FN1: variants seen among roughly 807,000 people sequenced by gnomAD.
FN1 encodes fibronectin 1.
Under a neutral mutation model 297.3 loss-of-function variants are expected in FN1, and 106 were observed. That is an observed-to-expected ratio of 0.36 (90% CI 0.30 to 0.42). The LOEUF is 0.42. FN1 is among the 10% of genes least tolerant of loss of function. The probability of loss-of-function intolerance (pLI) is 1.00; values close to 1 mark genes in which losing one functional copy is unlikely to be tolerated. For missense variants in FN1, 2,690 were observed against 3,124.9 expected (o/e 0.86, Z 3.32); for synonymous variants, 1,149 against 1,152.6 (o/e 1.00, Z 0.06).
rs748987775 is a variant in FN1 at position 215,433,406 on chromosome 2, A to T, written c.333T>A (p.Thr111=). The change falls in exon 3 of 46, where the codon ACT becomes ACA. Residue 111 remains threonine, a synonymous_variant. Coordinates refer to ENST00000354785, the MANE Select transcript of FN1 (RefSeq NM_212482.4). ...YTGNTYRVGD[T]YERPKDSMIW... ...TCATGGAGTCTTTAGGACGCTCATA[A>T]GTGTCACCCACTCGGTAAGTGTTCC... 11 of 1,614,082 alleles carry T rather than the reference A, an allele frequency of 6.8e-6. No homozygotes were observed. The African/African-American group carries it at 1.5e-4, about 22-fold the overall frequency.
intron 12 of FN1, among the ~76,000 whole-genome samples, chr2:215,416,217 A>T (rs1432387229): frequency 1.3e-5 from 2 of 152,168 alleles, no homozygotes; most frequent in Non-Finnish European, 2.9e-5. Flanking sequence ...TAACAATTCA[A>T]AGTTGGTTGA....
intron 25 of FN1, 54 bp downstream of exon 25, chr2:215,392,877 G>A: frequency 6.3e-7 from 1 of 1,598,896 alleles, no homozygotes; most frequent in Non-Finnish European, 8.6e-7. Flanking sequence ...GGAGTAACTG[G>A]TGGCAGCATG....
At chr2:215,435,377 T>C (rs2067282209) in intron 1 of FN1, among the ~76,000 whole-genome samples, 1 of 152,134 alleles carries the variant, frequency 6.6e-6, no homozygotes, top group Non-Finnish European at 1.5e-5. Flanking sequence ...AAAGGCAAGT[T>C]TTGGTTAATT....
At chr2:215,406,103 G>A (rs2061739662) in intron 19 of FN1, 135 bp downstream of exon 19, 4 of 869,898 alleles carry the variant, frequency 4.6e-6, no homozygotes, top group Non-Finnish European at 7.6e-6. Flanking sequence ...TGTTCACTAT[G>A]CATTCCCTTG....
chr2:215,372,826 A>G (rs2056493226), intron 39 of FN1, among the ~76,000 whole-genome samples: 1 of 152,216 alleles, frequency 6.6e-6, no homozygotes, highest in South Asian at 2.1e-4. Context: ...AAATGGTAAA[A>G]ATAGATAAAA....
At position 215,430,577 on chromosome 2, in the gene FN1, A is replaced by C. The variant is rs1472651564; in HGVS notation, c.685+138T>G. On this transcript the variant is annotated intron_variant, in intron 5 of 45. Coordinates refer to ENST00000354785, the MANE Select transcript of FN1 (RefSeq NM_212482.4). ...AGATGCGGAATAAGTTGGTTATGAA[A>C]GTTTTCTTGACTTCCAGAAGTTACC... 13 of 945,234 alleles carry C rather than the reference A, an allele frequency of 1.4e-5. No individual in the cohort carries two copies. In the Admixed American group the frequency reaches 2.2e-4, roughly 16 times the overall value. 58.6% of individuals were successfully genotyped at this position (945,234 alleles called of 1,614,324 possible).
chr2:215,425,386 A>T, intron 6 of FN1, 101 bp from the exon 7 acceptor site: 3 of 1,196,020 alleles, frequency 2.5e-6, no homozygotes, highest in Non-Finnish European at 3.7e-6. Context: ...ATCACTCTGA[A>T]ATCTATGTCG....
chr2:215,372,477 T>C, intron 39 of FN1, 102 bp from the exon 40 acceptor site: 1 of 881,426 alleles, frequency 1.1e-6, no homozygotes, highest in South Asian at 1.4e-5. Flanking sequence ...TGTTCATCAA[T>C]TTGATAAAAG....
chr2:215,416,944 A>T (rs909100819), intron 12 of FN1, among the ~76,000 whole-genome samples: 2 of 146,036 alleles, frequency 1.4e-5, no homozygotes, highest in African/African-American at 5.0e-5. Context: ...CCTGTGGCAT[A>T]GCCCACCTTT....
At chr2:215,390,405 G>T (rs956478248) in intron 26 of FN1, among the ~76,000 whole-genome samples, 1 of 152,028 alleles carries the variant, frequency 6.6e-6, no homozygotes, top group South Asian at 2.1e-4. Flanking sequence ...GGCTGGTCTC[G>T]AACTCCTGGG....
Position 215,372,186 on chromosome 2 carries a change from T to A in FN1, c.6437A>T (p.His2146Leu). The change falls in exon 40 of 46, where the codon CAT becomes CTT. Residue 2146 changes from histidine (H) to leucine (L), a missense_variant. Physicochemically the swap from His to Leu is moderately conservative, Grantham distance 99 (BLOSUM62 -3). Around this residue, in one of 3 missense-constraint regions of FN1, gnomAD observed 1,743 missense variants for 1,945.2 expected, o/e 0.90. Transcript: ENST00000354785. ...GGGCGGTGTGGTCCGCCTAAAACCA[T>A]GTTCCTCAAAGATCATTTGTTGCCC... ...SVGQQMIFEE[H>L]GFRRTTPPTT... 6.2e-7 allele frequency: 1 copy of A among 1,614,214 alleles called. No individual in the cohort carries two copies. The highest frequency in any genetic ancestry group is 1.1e-5 in the South Asian group (1 of 91,084).
rs1172883548 is a variant in FN1, at chr2:215,386,541, C to G, written c.4612+148G>C. ...ATGTTTCTCCACATTTTCTCACTTCCCTCTCCATGTACCATGACAATGATC... is the reference window on the plus strand; with the variant it reads ...ATGTTTCTCCACATTTTCTCACTTCGCTCTCCATGTACCATGACAATGATC... On this transcript the variant is annotated intron_variant, in intron 28 of 45. Transcript: ENST00000354785. 5 of 677,764 alleles carry G rather than the reference C, an allele frequency of 7.4e-6. No homozygotes were observed. The African/African-American group carries it at 9.2e-5, about 12-fold the overall frequency. The allele number at this position is 677,764 out of a possible 1,614,324, so 42.0% of individuals were successfully genotyped here.
At position 215,436,035 on chromosome 2, in the gene FN1, T is replaced by C; in HGVS notation, c.-233A>G. On this transcript the variant is annotated 5_prime_UTR_variant, in exon 1 of 46. Coordinates refer to ENST00000354785, the MANE Select transcript of FN1 (RefSeq NM_212482.4). ...CTTCCCGCTCGCGCCTGGGGTTCCC[T>C]CTCCTCCCCCTGTGCAGCACAGCCG... The C allele has an allele frequency of 1.1e-6, 1 of 870,114 alleles. No individual in the cohort carries two copies. Among genetic ancestry groups the C allele is most frequent in the South Asian group, 2.0e-5 (1 of 50,568 alleles). 53.9% of individuals were successfully genotyped at this position (870,114 alleles called of 1,614,324 possible).
rs777138205 is a variant in FN1 at position 215,372,273 on chromosome 2, G to C, written c.6350C>G (p.Pro2117Arg). 8 of 1,614,134 alleles carry C rather than the reference G, an allele frequency of 5.0e-6. No homozygotes were observed. Among genetic ancestry groups the C allele is most frequent in the South Asian group, 3.3e-5 (3 of 91,084 alleles). ...TVQKTPFVTH[P>R]GYDTGNGIQL... ...AATACCATTTCCAGTGTCATACCCA[G>C]GGTGGGTGACGAAAGGGGTCTTTTG... Residue 2117 changes from proline to arginine, a missense_variant, in exon 40 of 46, where the codon CCT (proline) becomes CGT (arginine). Around this residue, in one of 3 missense-constraint regions of FN1, gnomAD observed 1,743 missense variants for 1,945.2 expected, o/e 0.90. Coordinates refer to ENST00000354785, the MANE Select transcript of FN1 (RefSeq NM_212482.4).
At chr2:215,411,665 C>CTT (rs11367419) in intron 13 of FN1, among the ~76,000 whole-genome samples, 35 of 120,160 alleles carry the variant, frequency 2.9e-4, no homozygotes, top group South Asian at 8.7e-4. Context: ...ATTCAATGTA[C>CTT]TTTTTTTTTT....
At chr2:215,422,513 C>A (rs2064592133) in intron 9 of FN1, among the ~76,000 whole-genome samples, 1 of 152,168 alleles carries the variant, frequency 6.6e-6, no homozygotes, top group South Asian at 2.1e-4. Flanking sequence ...CACATCCACA[C>A]AAAGGGTTCT....
chr2:215,397,042 G>T, intron 23 of FN1, 95 bp downstream of exon 23: 1 of 852,622 alleles, frequency 1.2e-6, no homozygotes, highest in South Asian at 1.3e-5. Flanking sequence ...TTTGTAATTT[G>T]AATCCCTTCT....
chr2:215,369,788 C>T (rs2055467897), intron 41 of FN1, among the ~76,000 whole-genome samples: 1 of 152,072 alleles, frequency 6.6e-6, no homozygotes, highest in Non-Finnish European at 1.5e-5. Flanking sequence ...ATTGGAATAA[C>T]ATTCTCTGCA....
chr2:215,382,187 T>C (rs2058314059), intron 32 of FN1, 25 bp downstream of exon 32: 12 of 1,522,026 alleles, frequency 7.9e-6, no homozygotes, highest in Admixed American at 1.7e-5. Context: ...ACTTTGAAAA[T>C]GGAAACCAAG....
Sources: gnomAD v4.1 joint callset for allele counts (sites outside exome capture counted in the v4.1 genomes callset) on GRCh38, gnomAD v4.1.1 for gene constraint, gnomAD v4.1.1 regional missense constraint, MANE v1.5 for transcripts, NCBI Gene and HGNC (gene_info 2026-07-23, HGNC 2026-07-21) for gene names.